The following DSCAM variants were observed in gnomAD, a reference collection of about 807,000 sequenced individuals.
DSCAM encodes DS cell adhesion molecule, also known as cell adhesion molecule DSCAM.
Under a neutral mutation model 217.7 loss-of-function variants are expected in DSCAM, and 47 were observed. The observed-to-expected ratio is 0.22, with a 90% CI of 0.17 to 0.28. The LOEUF is 0.28. Among genes scored for constraint, DSCAM ranks in the 10% least tolerant of loss-of-function variants. DSCAM has a pLI of 1.00. For synonymous variants in DSCAM, 1,056 were observed against 1,015.3 expected, an observed-to-expected ratio of 1.04 and a Z score of -0.76; for missense variants, 2,080 against 2,618.3, an observed-to-expected ratio of 0.79 and a Z score of 4.49.
At chr21:40,506,010 G>A (rs1233862537) in intron 3 of DSCAM, among the ~76,000 whole-genome samples, 2 of 152,166 alleles carry the variant, frequency 1.3e-5, no homozygotes, top group African/African-American at 4.8e-5. Flanking sequence ...AAGATATAAA[G>A]TCACTGCTGC....
chr21:40,530,742 A>G (rs2076437200), intron 3 of DSCAM, among the ~76,000 whole-genome samples: 1 of 152,116 alleles, frequency 6.6e-6, no homozygotes, highest in Non-Finnish European at 1.5e-5. Flanking sequence ...CCCCTCCTAG[A>G]GCCACAGTTT....
At chr21:40,440,879 C>A (rs2075624081) in intron 3 of DSCAM, among the ~76,000 whole-genome samples, 1 of 152,312 alleles carries the variant, frequency 6.6e-6, no homozygotes, top group South Asian at 2.1e-4. Flanking sequence ...TGTGTATTAG[C>A]TAGTCCTATT....
chr21:40,170,743 AGTCTGACAGCTATACTGAG>A (rs1313988496), intron 15 of DSCAM, among the ~76,000 whole-genome samples: 4 of 152,218 alleles, frequency 2.6e-5, no homozygotes, highest in African/African-American at 9.6e-5. Context: ...ATGATTTTTG[AGTCTGACAGCTATACTGAG>A]GCTGGGTTAC....
intron 1 of DSCAM, among the ~76,000 whole-genome samples, chr21:40,731,876 G>C (rs1326120641): frequency 6.6e-6 from 1 of 151,972 alleles, no homozygotes; most frequent in Non-Finnish European, 1.5e-5. Context: ...TTACAGGTGT[G>C]CACCACATCT....
intron 8 of DSCAM, among the ~76,000 whole-genome samples, chr21:40,315,864 G>A (rs1316492563): frequency 6.6e-6 from 1 of 152,152 alleles, no homozygotes; most frequent in Admixed American, 6.5e-5. Flanking sequence ...CAGGCATATT[G>A]AAGAGGGCTT....
chr21:40,475,889 G>C (rs149841996), intron 3 of DSCAM, among the ~76,000 whole-genome samples: 116 of 152,090 alleles, frequency 7.6e-4, no homozygotes, highest in African/African-American at 2.5e-3. Context: ...TTCCATTTGA[G>C]TAGTTTCAAG....
At chr21:40,303,141 T>C (rs2074034907) in intron 9 of DSCAM, among the ~76,000 whole-genome samples, 1 of 152,178 alleles carries the variant, frequency 6.6e-6, no homozygotes, top group Non-Finnish European at 1.5e-5. Context: ...AGATGGGACT[T>C]GGCCAAAGTC....
intron 3 of DSCAM, chr21:40,630,564 GC>G (rs1219380831): frequency 6.6e-6 from 1 of 152,234 alleles, no homozygotes; most frequent in Non-Finnish European, 1.5e-5. Flanking sequence ...CTCCCAGTGT[GC>G]TGGGATTACA....
chr21:40,479,451 A>G (rs1387749108), intron 3 of DSCAM, among the ~76,000 whole-genome samples: 3 of 152,178 alleles, frequency 2.0e-5, no homozygotes, highest in Admixed American at 6.5e-5. Context: ...AGAAATATCC[A>G]AGATTGGGTA....
chr21:40,563,974 G>A (rs908059437), intron 3 of DSCAM, among the ~76,000 whole-genome samples: 2 of 152,190 alleles, frequency 1.3e-5, no homozygotes, highest in African/African-American at 4.8e-5. Context: ...CAGAGTGAGA[G>A]CAGAGCTGTG....
intron 19 of DSCAM, among the ~76,000 whole-genome samples, chr21:40,128,699 C>CA (rs527919207): frequency 0.055 from 4,861 of 88,994 alleles, 115 homozygotes; most frequent in African/African-American, 0.078. Context: ...CATAACCAAA[C>CA]AAAAAAAAAA....
At chr21:40,334,528 C>T (rs1472737583) in intron 8 of DSCAM, among the ~76,000 whole-genome samples, 1 of 152,172 alleles carries the variant, frequency 6.6e-6, no homozygotes, top group Non-Finnish European at 1.5e-5. Context: ...TGCTCTCCCC[C>T]TGGTCCAAGC....
chr21:40,309,400 G>A (rs1033764964), intron 9 of DSCAM, among the ~76,000 whole-genome samples: 2 of 152,000 alleles, frequency 1.3e-5, no homozygotes, highest in African/African-American at 2.4e-5. Context: ...TCTCTTTCTC[G>A]ATTTATTTCT....
At chr21:40,434,833 A>G (rs947507807) in intron 3 of DSCAM, among the ~76,000 whole-genome samples, 4 of 152,190 alleles carry the variant, frequency 2.6e-5, no homozygotes, top group African/African-American at 9.7e-5. Flanking sequence ...GGGAGAATGT[A>G]CAATCACTGA....
intron 3 of DSCAM, among the ~76,000 whole-genome samples, chr21:40,391,330 T>C (rs1042004288): frequency 5.9e-5 from 9 of 152,190 alleles, no homozygotes; most frequent in African/African-American, 1.7e-4. Flanking sequence ...TATAGAAATC[T>C]GGAGGGAGGC....
chr21:40,266,399 G>C (rs34150875), intron 11 of DSCAM, among the ~76,000 whole-genome samples: 1 of 151,990 alleles, frequency 6.6e-6, no homozygotes, highest in African/African-American at 2.4e-5. Context: ...CACACTGCTG[G>C]TGGGAATGTA....
intron 16 of DSCAM, among the ~76,000 whole-genome samples, chr21:40,149,890 C>A (rs952956579): frequency 6.6e-6 from 1 of 151,164 alleles, no homozygotes; most frequent in African/African-American, 2.4e-5. Context: ...ATCACTATAA[C>A]GACAACCATC....
intron 18 of DSCAM, among the ~76,000 whole-genome samples, chr21:40,137,945 A>G (rs1271445848): frequency 6.6e-6 from 1 of 152,182 alleles, no homozygotes; most frequent in Non-Finnish European, 1.5e-5. Context: ...AAGTTAGCAA[A>G]AATTCAGAGG....
chr21:40,665,293 G>C (rs747225530), intron 3 of DSCAM, among the ~76,000 whole-genome samples: 4 of 152,134 alleles, frequency 2.6e-5, no homozygotes, highest in Non-Finnish European at 4.4e-5. Flanking sequence ...GACAAGAAGA[G>C]ACCAGCCAGG....
Sources: allele counts gnomAD v4.1 joint callset (sites outside exome capture counted in the v4.1 genomes callset), GRCh38; gene constraint gnomAD v4.1.1; transcripts MANE v1.5; gene names NCBI Gene and HGNC (gene_info 2026-07-23, HGNC 2026-07-21).